Variants in GHR observed in about 807,000 individuals in gnomAD.
GHR encodes growth hormone receptor, also known as GH receptor.
GHR carries 35 observed loss-of-function variants against 67.1 expected under a neutral mutation model. The observed-to-expected ratio is 0.52, with a 90% confidence interval of 0.40 to 0.69. The LOEUF (loss-of-function observed/expected upper bound fraction) is 0.69. GHR is among the 30% of genes least tolerant of loss of function. The pLI is 0.00. For synonymous variants in GHR, 272 were observed against 269.1 expected, an observed-to-expected ratio of 1.01 and a Z score of -0.10; for missense variants, 792 against 764.6, an observed-to-expected ratio of 1.04 and a Z score of -0.42.
rs148921069 is a variant in GHR at position 42,495,299 on chromosome 5, A to G, written c.-11-70565A>G. Among the ~76,000 whole-genome samples the G allele has an allele frequency of 7.0e-3, 1,066 of 152,114 alleles. 13 individuals carry two copies. The highest frequency in any genetic ancestry group is 0.025 in the African/African-American group (1,029 of 41,506). On this transcript the variant is annotated intron_variant, in intron 1 of 9. Coordinates refer to ENST00000230882, the MANE Select transcript of GHR (RefSeq NM_000163.5). ...TGGGAGACATGCATACAGAAAAAGA[A>G]CAAGCAATAGACTCCTTTGAGAGTG...
At chr5:42,460,705 A>C (rs1313332322) in intron 1 of GHR, among the ~76,000 whole-genome samples, 1 of 152,256 alleles carries the variant, frequency 6.6e-6, no homozygotes, top group Non-Finnish European at 1.5e-5. Flanking sequence ...AAAAGCAAAA[A>C]AAGAGTGTTT....
At chr5:42,608,056 A>G (rs1752710835) in intron 2 of GHR, among the ~76,000 whole-genome samples, 1 of 152,152 alleles carries the variant, frequency 6.6e-6, no homozygotes, top group Non-Finnish European at 1.5e-5. Flanking sequence ...AAAGACCAAA[A>G]TCTGCATTGT....
chr5:42,711,044 T>C lies in GHR; in HGVS notation c.619-163T>C, dbSNP rs79281393. ...ATTATCCATTTACAAAATGATTATT[T>C]ACATCAATCTTCCTTTAAATAACAA... is the stretch of plus-strand genomic sequence containing the variant. On this transcript the variant is annotated intron_variant, in intron 6 of 9. Transcript: ENST00000230882. 3.2e-3 allele frequency among the ~76,000 whole-genome samples: 487 copies of C among 152,334 alleles called. 2 individuals carry two copies. Among genetic ancestry groups the C allele is most frequent in the African/African-American group, 0.011 (472 of 41,584 alleles).
At chr5:42,544,742 T>C (rs1175354174) in intron 1 of GHR, among the ~76,000 whole-genome samples, 6 of 152,152 alleles carry the variant, frequency 3.9e-5, no homozygotes, top group Admixed American at 3.3e-4. Flanking sequence ...AAGGAAACCG[T>C]TCAATCCATT....
chr5:42,525,573 G>A (rs145447121), intron 1 of GHR, among the ~76,000 whole-genome samples: 324 of 152,280 alleles, frequency 2.1e-3, no homozygotes, highest in African/African-American at 7.5e-3. Context: ...GACTTTGGGG[G>A]ACTGCTGAGA....
chr5:42,710,591 A>G (rs1480577713), intron 6 of GHR, among the ~76,000 whole-genome samples: 1 of 151,948 alleles, frequency 6.6e-6, no homozygotes, highest in Non-Finnish European at 1.5e-5. Context: ...TTTTCTTTGC[A>G]GATTTTAAAT....
chr5:42,659,984 G>A (rs183571514), intron 3 of GHR, among the ~76,000 whole-genome samples: 1,755 of 152,270 alleles, frequency 0.012, 41 homozygotes, highest in African/African-American at 0.04. Context: ...AGGGTCCTAC[G>A]CCCACGGAGT....
intron 2 of GHR, among the ~76,000 whole-genome samples, chr5:42,610,439 C>G (rs777897589): frequency 2.0e-5 from 3 of 152,134 alleles, no homozygotes; most frequent in Non-Finnish European, 4.4e-5. Context: ...CAGCTAGTGG[C>G]TGACTAGGTA....
chr5:42,506,485 A>G (rs1205158868), intron 1 of GHR, among the ~76,000 whole-genome samples: 2 of 152,178 alleles, frequency 1.3e-5, no homozygotes, highest in Non-Finnish European at 2.9e-5. Context: ...TGGGAGCAAA[A>G]AATTTAAAAA....
intron 2 of GHR, among the ~76,000 whole-genome samples, chr5:42,579,838 G>A (rs1050484830): frequency 6.6e-6 from 1 of 151,724 alleles, no homozygotes; most frequent in South Asian, 2.1e-4. Context: ...CCATATTTAA[G>A]GTTACATTAA....
intron 1 of GHR, among the ~76,000 whole-genome samples, chr5:42,470,793 A>T (rs1465638794): frequency 3.9e-5 from 6 of 152,170 alleles, no homozygotes; most frequent in Non-Finnish European, 7.3e-5. Context: ...TGAAGGACTA[A>T]TGAATTTAGT....
chr5:42,529,999 CTTTT>C (rs376534691), intron 1 of GHR, among the ~76,000 whole-genome samples: 739 of 57,582 alleles, frequency 0.013, 2 homozygotes, highest in Middle Eastern at 0.029. Flanking sequence ...TGAATCACTT[CTTTT>C]TTTTTTTTTT....
intron 1 of GHR, among the ~76,000 whole-genome samples, chr5:42,461,244 C>G (rs2112044220): frequency 6.6e-6 from 1 of 152,296 alleles, no homozygotes; most frequent in South Asian, 2.1e-4. Context: ...ACCCTAAACC[C>G]TATCTGTTTA....
chr5:42,432,490 C>T (rs1303744133), intron 1 of GHR, among the ~76,000 whole-genome samples: 4 of 152,188 alleles, frequency 2.6e-5, no homozygotes. Context: ...CACTATGTGG[C>T]ACATGATCCT....
intron 1 of GHR, among the ~76,000 whole-genome samples, chr5:42,476,844 T>A (rs912074427): frequency 2.0e-5 from 3 of 152,214 alleles, no homozygotes; most frequent in African/African-American, 7.2e-5. Flanking sequence ...ACTCCATCTC[T>A]TCTCACACAC....
intron 2 of GHR, among the ~76,000 whole-genome samples, chr5:42,600,366 C>T (rs142080550): frequency 6.6e-6 from 1 of 152,256 alleles, no homozygotes; most frequent in East Asian, 1.9e-4. Context: ...CCAGTGCCAG[C>T]CTCAACTGGC....
At chr5:42,438,184 T>C (rs1323137472) in intron 1 of GHR, among the ~76,000 whole-genome samples, 4 of 152,214 alleles carry the variant, frequency 2.6e-5, no homozygotes, top group East Asian at 3.8e-4. Context: ...TTTTATATTA[T>C]TTAATCCCAC....
intron 8 of GHR, chr5:42,713,898 A>G (rs537491757): frequency 4.2e-6 from 1 of 237,324 alleles, no homozygotes; most frequent in Non-Finnish European, 8.3e-6. Context: ...AGTCTGATAC[A>G]GTCCTTATAT....
At chr5:42,428,209 T>C (rs1248041486) in intron 1 of GHR, among the ~76,000 whole-genome samples, 3 of 152,208 alleles carry the variant, frequency 2.0e-5, no homozygotes, top group Non-Finnish European at 4.4e-5. Context: ...GTTCTTGTCT[T>C]CTGTGCACCT....
Sources: gnomAD v4.1 joint callset for allele counts (sites outside exome capture counted in the v4.1 genomes callset) on GRCh38, gnomAD v4.1.1 for gene constraint, MANE v1.5 for transcripts, NCBI Gene and HGNC (gene_info 2026-07-23, HGNC 2026-07-21) for gene names.